The following EXOC6 variants were observed in gnomAD, a reference collection of about 807,000 sequenced individuals.
The protein encoded by EXOC6 is exocyst complex component 6, also known as SEC15-like 1.
Under a neutral mutation model 112.5 loss-of-function variants are expected in EXOC6, and 60 were observed. The observed-to-expected ratio is 0.53, with a 90% CI of 0.43 to 0.66. The LOEUF (loss-of-function observed/expected upper bound fraction) is 0.66, where lower values mean the gene tolerates loss of function less well. Among genes scored for constraint, EXOC6 ranks in the 30% least tolerant of loss-of-function variants. The pLI is 0.00. For missense variants in EXOC6, 855 were observed against 957.1 expected (o/e 0.89, Z 1.41); for synonymous variants, 295 against 308.0 (o/e 0.96, Z 0.44).
At chr10:92,988,257 C>CT (rs1843089016) in intron 18 of EXOC6, among the ~76,000 whole-genome samples, 2 of 152,090 alleles carry the variant, frequency 1.3e-5, no homozygotes. Context: ...TCGTATTTTG[C>CT]TTTTTTTCCG....
Position 92,852,963 on chromosome 10 carries a change from G to A in EXOC6, c.101+4329G>A, listed in dbSNP as rs79034834. ...AAAAAAGCATCTAGTTTGGAAAACC[G>A]TCTTTATTTGCACACTGTGTGATCA... On this transcript the variant is annotated intron_variant, in intron 1 of 21. Transcript: ENST00000260762. 2.9e-3 allele frequency among the ~76,000 whole-genome samples: 443 copies of A among 152,172 alleles called. 2 individuals are homozygous for A. Among genetic ancestry groups the A allele is most frequent in the African/African-American group, 0.01 (420 of 41,510 alleles).
At chr10:93,057,728 C>T (rs1846613248) in intron 21 of EXOC6, among the ~76,000 whole-genome samples, 1 of 151,996 alleles carries the variant, frequency 6.6e-6, no homozygotes, top group African/African-American at 2.4e-5. Context: ...TTATTATTTT[C>T]CTATATTTCA....
chr10:92,971,561 A>G (rs2134077953), intron 17 of EXOC6, among the ~76,000 whole-genome samples: 1 of 150,586 alleles, frequency 6.6e-6, no homozygotes, highest in East Asian at 2.0e-4. Flanking sequence ...TTTTTAGTAG[A>G]GATGGGGTCT....
At chr10:92,987,610 C>G in intron 18 of EXOC6, 1 of 984,922 alleles carries the variant, frequency 1.0e-6, no homozygotes, top group Non-Finnish European at 1.2e-6. Flanking sequence ...ACTTCCTTCT[C>G]AGACTAACAA....
At position 92,948,397 on chromosome 10, in the gene EXOC6, A is replaced by G; in HGVS notation, c.1416+18A>G. 7.4e-7 allele frequency: 1 copy of G among 1,358,558 alleles called. No individual in the cohort carries two copies. The highest frequency in any genetic ancestry group is 1.0e-6 in the Non-Finnish European group (1 of 981,798). The allele number at this position is 1,358,558 out of a possible 1,614,324, so 84.2% of individuals were successfully genotyped here. ...TTGAAAAGGTACAAGCTAGTTTTTA[A>G]TTCAAGGATTTTCTTAAAAATAAAT... On this transcript the variant is annotated intron_variant, in intron 14 of 21. Coordinates refer to ENST00000260762, the MANE Select transcript of EXOC6 (RefSeq NM_019053.6).
At position 93,014,141 on chromosome 10, in the gene EXOC6, C is replaced by G. The variant is rs1844388445; in HGVS notation, c.2096-53C>G. ...TAGAAATTAATTTATCAGTTAAACT[C>G]TTGTATATTTTGTGATCTCATTTTT... is the stretch of plus-strand genomic sequence containing the variant. On this transcript the variant is annotated intron_variant, in intron 19 of 21. Transcript: ENST00000260762. 3 of 1,317,022 alleles carry G rather than the reference C, an allele frequency of 2.3e-6. No homozygotes were observed. The East Asian group carries it at 7.2e-5, about 32-fold the overall frequency. 81.6% of individuals were successfully genotyped at this position (1,317,022 alleles called of 1,614,324 possible). A position where few individuals can be genotyped will look rare whatever the true frequency, so the allele number is the denominator to read the frequency against.
At chr10:92,924,097 A>G (rs920082920) in intron 8 of EXOC6, among the ~76,000 whole-genome samples, 1 of 152,192 alleles carries the variant, frequency 6.6e-6, no homozygotes, top group African/African-American at 2.4e-5. Context: ...TGACATAGGT[A>G]GGAATAACGA....
chr10:92,993,748 A>G (rs1843364021), intron 18 of EXOC6, among the ~76,000 whole-genome samples: 1 of 152,216 alleles, frequency 6.6e-6, no homozygotes, highest in Admixed American at 6.5e-5. Context: ...TTGTCTTGAC[A>G]TACAAGCAGA....
At chr10:92,864,904 A>G (rs1848103925) in intron 1 of EXOC6, among the ~76,000 whole-genome samples, 1 of 152,116 alleles carries the variant, frequency 6.6e-6, no homozygotes, top group South Asian at 2.1e-4. Flanking sequence ...GTGTGAGCCC[A>G]TTCCTGTAAT....
intron 20 of EXOC6, among the ~76,000 whole-genome samples, chr10:93,054,993 G>A (rs1846473534): frequency 6.6e-6 from 1 of 151,964 alleles, no homozygotes; most frequent in Non-Finnish European, 1.5e-5. Flanking sequence ...CCACATAAAT[G>A]ACAATCATTC....
chr10:92,954,887 T>C, intron 16 of EXOC6, 146 bp downstream of exon 16: 1 of 514,356 alleles, frequency 1.9e-6, no homozygotes, highest in East Asian at 3.3e-5. Flanking sequence ...AAAACACCAG[T>C]GTAAATTCCA....
chr10:93,015,479 A>T (rs954937265), intron 20 of EXOC6, among the ~76,000 whole-genome samples: 2 of 152,232 alleles, frequency 1.3e-5, no homozygotes, highest in African/African-American at 2.4e-5. Context: ...CTGGGCTGTT[A>T]TCCCAGCACT....
intron 18 of EXOC6, among the ~76,000 whole-genome samples, chr10:92,975,886 T>C (rs1280811856): frequency 1.6e-5 from 2 of 128,654 alleles, no homozygotes; most frequent in African/African-American, 3.0e-5. Context: ...GGAGCCCCTC[T>C]GCCTGGCCAG....
At chr10:93,040,380 C>G (rs1185561726) in intron 20 of EXOC6, among the ~76,000 whole-genome samples, 2 of 152,154 alleles carry the variant, frequency 1.3e-5, no homozygotes, top group Non-Finnish European at 1.5e-5. Flanking sequence ...TCCCAAGTAG[C>G]TGGGACTACA....
At position 92,864,553 on chromosome 10, in the gene EXOC6, C is replaced by T. The variant is rs556907706; in HGVS notation, c.101+15919C>T. Among the ~76,000 whole-genome samples, 86 of 152,224 alleles carry T rather than the reference C, an allele frequency of 5.6e-4. No homozygotes were observed. The South Asian group carries it at 0.017, about 30-fold the overall frequency. On this transcript the variant is annotated intron_variant, in intron 1 of 21. Transcript: ENST00000260762. Reference sequence around the variant, plus strand: ...GGTGAAACATTATTTCTGGGTGTTCCAGTGAGGGTGTTTCTGGAAGAGACT... The same window carrying T: ...GGTGAAACATTATTTCTGGGTGTTCTAGTGAGGGTGTTTCTGGAAGAGACT...
At chr10:93,017,549 C>T (rs1329833481) in intron 20 of EXOC6, among the ~76,000 whole-genome samples, 1 of 151,890 alleles carries the variant, frequency 6.6e-6, no homozygotes, top group Non-Finnish European at 1.5e-5. Flanking sequence ...AAGATCATGC[C>T]ATTGCACCCC....
intron 17 of EXOC6, among the ~76,000 whole-genome samples, chr10:92,956,648 A>T (rs1853707497): frequency 6.6e-6 from 1 of 152,154 alleles, no homozygotes; most frequent in Non-Finnish European, 1.5e-5. Context: ...GATCTCATGT[A>T]GTCATTTCAA....
chr10:92,948,420 A>C (rs1252004402), intron 14 of EXOC6, 41 bp downstream of exon 14: 3 of 1,202,114 alleles, frequency 2.5e-6, no homozygotes, highest in Non-Finnish European at 3.5e-6. Flanking sequence ...CTTAAAAATA[A>C]ATTCATAGTA....
intron 12 of EXOC6, 24 bp from the exon 13 acceptor site, chr10:92,940,703 C>CT (rs201561143): frequency 0.26 from 308,308 of 1,207,826 alleles, 8,451 homozygotes; most frequent in East Asian, 0.44. Flanking sequence ...TGTTTATCTG[C>CT]TTTTTTTTTT....
Sources: gnomAD v4.1 joint callset for allele counts (sites outside exome capture counted in the v4.1 genomes callset) on GRCh38, gnomAD v4.1.1 for gene constraint, MANE v1.5 for transcripts, NCBI Gene and HGNC (gene_info 2026-07-23, HGNC 2026-07-21) for gene names.